UNC79: variants seen among roughly 807,000 people sequenced by gnomAD.
UNC79 encodes protein unc-79 homolog.
A neutral mutation model predicts 283.1 loss-of-function variants in UNC79; 37 were observed. The observed-to-expected ratio is 0.13, with a 90% CI of 0.10 to 0.17. The LOEUF (loss-of-function observed/expected upper bound fraction) is 0.17. Among genes scored for constraint, UNC79 ranks in the 10% least tolerant of loss-of-function variants. The pLI, the probability that UNC79 is intolerant of heterozygous loss-of-function variation, is 1.00. For synonymous variants in UNC79, 1,107 were observed against 1,200.2 expected (o/e 0.92, Z 1.61); for missense variants, 2,272 against 3,211.1 (o/e 0.71, Z 7.07).
At chr14:93,342,240 T>C (rs1261249201) in intron 1 of UNC79, among the ~76,000 whole-genome samples, 3 of 152,224 alleles carry the variant, frequency 2.0e-5, no homozygotes, top group Non-Finnish European at 4.4e-5. Context: ...CTCCCAAAGC[T>C]TAACTCTTGT....
At chr14:93,590,777 G>A (rs1001802824) in intron 22 of UNC79, among the ~76,000 whole-genome samples, 24 of 152,206 alleles carry the variant, frequency 1.6e-4, no homozygotes, top group Admixed American at 1.3e-3. Context: ...GGGACTGGCC[G>A]AATCTTGGGC....
intron 1 of UNC79, among the ~76,000 whole-genome samples, chr14:93,385,836 T>G (rs972163324): frequency 2.0e-5 from 3 of 152,144 alleles, no homozygotes; most frequent in Non-Finnish European, 4.4e-5. Context: ...TGCTGCAGCT[T>G]TACTGAATTT....
At chr14:93,496,294 A>C in intron 5 of UNC79, 117 bp from the exon 6 acceptor site, 1 of 618,356 alleles carries the variant, frequency 1.6e-6, no homozygotes, top group Non-Finnish European at 2.6e-6. Context: ...AGTTATTTCT[A>C]ATTTAATGAT....
intron 40 of UNC79, among the ~76,000 whole-genome samples, chr14:93,665,670 A>G (rs2072115928): frequency 6.6e-6 from 1 of 152,046 alleles, no homozygotes; most frequent in African/African-American, 2.4e-5. Context: ...CTCTGAAGAC[A>G]GACAATACAC....
chr14:93,645,946 A>G (rs2069551885), intron 34 of UNC79, among the ~76,000 whole-genome samples: 1 of 152,066 alleles, frequency 6.6e-6, no homozygotes, highest in Non-Finnish European at 1.5e-5. Context: ...AATTTGCAAC[A>G]TTCTCCTTAT....
chr14:93,543,149 G>A (rs1204783553), intron 14 of UNC79, among the ~76,000 whole-genome samples: 1 of 151,200 alleles, frequency 6.6e-6, no homozygotes. Flanking sequence ...TAGAATCTTT[G>A]GAAAGATTAC....
At chr14:93,339,785 ATTTTC>A (rs1434394764) in intron 1 of UNC79, among the ~76,000 whole-genome samples, 1 of 152,006 alleles carries the variant, frequency 6.6e-6, no homozygotes, top group Non-Finnish European at 1.5e-5. Context: ...CCCTTTTACT[ATTTTC>A]TTTTCTCCTG....
intron 5 of UNC79, among the ~76,000 whole-genome samples, chr14:93,490,136 T>G (rs2058652401): frequency 6.6e-6 from 1 of 152,048 alleles, no homozygotes; most frequent in African/African-American, 2.4e-5. Context: ...TGAAACCATT[T>G]CTCCCCCAGG....
intron 1 of UNC79, among the ~76,000 whole-genome samples, chr14:93,399,907 A>T (rs2055072519): frequency 6.6e-6 from 1 of 152,152 alleles, no homozygotes. Context: ...GGAAAAGCTT[A>T]ATTACTAGGC....
rs2067245854 is a variant in UNC79, at chr14:93,622,933, A to C, written c.5608+92A>C. ...CCGGCACTGAATATGCATCAGACTC[A>C]AACTCTTATAATGTCAGGGTGTGAC... On this transcript the variant is annotated intron_variant, in intron 30 of 48. Transcript: ENST00000555664. 1.6e-5 allele frequency: 23 copies of C among 1,472,732 alleles called. No homozygotes were observed. The South Asian group carries it at 3.0e-4, about 19-fold the overall frequency. 91.2% of individuals were successfully genotyped at this position (1,472,732 alleles called of 1,614,324 possible).
At position 93,467,660 on chromosome 14, in the gene UNC79, C is replaced by A; in HGVS notation, c.23-11C>A. ...TTTTTTTTTTTTTTTTTTTTTTTTG[C>A]TTTTATCTAGTTGCTTCCAAGATCC... On this transcript the variant is annotated splice_polypyrimidine_tract_variant and intron_variant, in intron 1 of 48. Transcript: ENST00000555664. 5.8e-5 allele frequency: 16 copies of A among 275,934 alleles called. No homozygotes were observed. The highest frequency in any genetic ancestry group is 9.5e-5 in the South Asian group (1 of 10,534). 17.1% of individuals were successfully genotyped at this position (275,934 alleles called of 1,614,324 possible). A position where few individuals can be genotyped will look rare whatever the true frequency, so the allele number is the denominator to read the frequency against.
Position 93,600,005 on chromosome 14 carries a change from T to TC in UNC79, c.3373-562dup, listed in dbSNP as rs1160211560. ...TCACGAGGTCAGGAGATCGAGACCA[T>TC]CCGGCTAACACAGTGAAACCTCGTC... On this transcript the variant is annotated intron_variant, in intron 24 of 48. Transcript: ENST00000555664. Among the ~76,000 whole-genome samples the TC allele has an allele frequency of 1.3e-4, 20 of 152,168 alleles. No homozygotes were observed. In the East Asian group the frequency reaches 2.7e-3, roughly 21 times the overall value.
chr14:93,592,481 C>T (rs1483871632), intron 22 of UNC79, among the ~76,000 whole-genome samples: 1 of 152,110 alleles, frequency 6.6e-6, no homozygotes, highest in African/African-American at 2.4e-5. Flanking sequence ...GCCGACATAA[C>T]TTTTCCTTAA....
intron 26 of UNC79, among the ~76,000 whole-genome samples, chr14:93,608,376 A>G (rs1342549352): frequency 6.6e-6 from 1 of 152,192 alleles, no homozygotes; most frequent in Non-Finnish European, 1.5e-5. Flanking sequence ...GACATCAGGG[A>G]AGGTCTCATG....
chr14:93,523,915 G>C, intron 7 of UNC79, 63 bp from the exon 8 acceptor site: 1 of 1,542,684 alleles, frequency 6.5e-7, no homozygotes, highest in Non-Finnish European at 8.9e-7. Flanking sequence ...TAAAATATCT[G>C]TTTTTACTAG....
At chr14:93,446,139 C>T (rs1446284560) in intron 1 of UNC79, among the ~76,000 whole-genome samples, 1 of 151,916 alleles carries the variant, frequency 6.6e-6, no homozygotes, top group Non-Finnish European at 1.5e-5. Context: ...ATTATTTATA[C>T]CATTTCCTTC....
chr14:93,655,737 A>G (rs1172872923), intron 38 of UNC79, among the ~76,000 whole-genome samples: 1 of 152,160 alleles, frequency 6.6e-6, no homozygotes, highest in Non-Finnish European at 1.5e-5. Context: ...TAAATAAGTA[A>G]GTAAATAGTT....
In UNC79 at chr14:93,622,543, G is replaced by T. The variant is rs78070908; in HGVS notation, c.5310G>T (p.Glu1770Asp). The T allele has an allele frequency of 1.2e-5, 20 of 1,614,066 alleles. No homozygotes were observed. In the African/African-American group the frequency reaches 1.9e-4, roughly 15 times the overall value. ...ATGATCACCCTGACCCGGGCACTGA[G>T]GGGGAGAAGCCTGGGGAGCTGATGC... The change falls in exon 30 of 49, where the codon GAG becomes GAT. Residue 1770 changes from glutamate (E) to aspartate (D), a missense_variant. By Grantham distance (45) the Glu-to-Asp change is conservative (BLOSUM62 2). Coordinates refer to ENST00000555664, the Ensembl canonical transcript of UNC79.
Position 93,671,084 on chromosome 14 carries a change from A to G in UNC79, c.6637-2267A>G, listed in dbSNP as rs563825137. Among the ~76,000 whole-genome samples the G allele has an allele frequency of 7.9e-5, 12 of 152,228 alleles. 1 individual carries two copies. The highest frequency in any genetic ancestry group is 7.2e-4 in the Admixed American group (11 of 15,284). ...GATTGATTAATTTTGGTGTATTCAT[A>G]CAATAATATATTGTTAAGCTGTTGA... On this transcript the variant is annotated intron_variant, in intron 40 of 48. Transcript: ENST00000555664.
Sources: allele counts gnomAD v4.1 joint callset (sites outside exome capture counted in the v4.1 genomes callset), GRCh38; gene constraint gnomAD v4.1.1; transcripts MANE v1.5; gene names NCBI Gene and HGNC (gene_info 2026-07-23, HGNC 2026-07-21).